The following PTPRN2 variants were observed in gnomAD, a reference collection of about 807,000 sequenced individuals.
The protein encoded by PTPRN2 is protein tyrosine phosphatase receptor type N2, also known as receptor-type tyrosine-protein phosphatase N2.
Under a neutral mutation model 118.8 loss-of-function variants are expected in PTPRN2, and 74 were observed. That is an observed-to-expected ratio of 0.62 (90% CI 0.52 to 0.76). PTPRN2 has a LOEUF of 0.76. Ranked by LOEUF, PTPRN2 falls within the 30% of genes least tolerant of loss-of-function variation. The probability of loss-of-function intolerance (pLI) is 0.00; values close to 1 mark genes in which losing one functional copy is unlikely to be tolerated. For missense variants in PTPRN2, 1,481 were observed against 1,394.4 expected, an observed-to-expected ratio of 1.06 and a Z score of -0.99; for synonymous variants, 641 against 608.0, an observed-to-expected ratio of 1.05 and a Z score of -0.80.
intron 5 of PTPRN2, among the ~76,000 whole-genome samples, chr7:158,186,726 T>C (rs1825192926): frequency 6.6e-6 from 1 of 152,276 alleles, no homozygotes; most frequent in African/African-American, 2.4e-5. Context: ...CCCTCTGGCA[T>C]GAGTGCACCT....
intron 3 of PTPRN2, among the ~76,000 whole-genome samples, chr7:158,233,937 G>A (rs1040665916): frequency 1.4e-4 from 21 of 152,106 alleles, no homozygotes; most frequent in African/African-American, 4.8e-4. Flanking sequence ...AATGAAACAA[G>A]ACTCCTATGT....
chr7:158,240,206 C>A (rs974327278), intron 3 of PTPRN2, among the ~76,000 whole-genome samples: 2 of 152,082 alleles, frequency 1.3e-5, no homozygotes, highest in Non-Finnish European at 2.9e-5. Context: ...AATTTAATTT[C>A]TCTCTCCTAT....
intron 2 of PTPRN2, among the ~76,000 whole-genome samples, chr7:158,436,388 T>C (rs1302392316): frequency 2.0e-5 from 3 of 151,302 alleles, no homozygotes; most frequent in Non-Finnish European, 4.4e-5. Context: ...TCTCGAGTTC[T>C]GTCTGTCTTT....
At chr7:158,060,750 T>C (rs1405562992) in intron 11 of PTPRN2, among the ~76,000 whole-genome samples, 2 of 152,232 alleles carry the variant, frequency 1.3e-5, no homozygotes, top group Non-Finnish European at 2.9e-5. Flanking sequence ...TTGCATTCAT[T>C]ACCTTTGCCT....
intron 12 of PTPRN2, among the ~76,000 whole-genome samples, chr7:157,751,783 C>T (rs1037329742): frequency 3.4e-5 from 5 of 146,970 alleles, no homozygotes; most frequent in African/African-American, 9.9e-5. Flanking sequence ...TCACCAAGAC[C>T]GAGGGGACCA....
In PTPRN2 at chr7:158,587,637, TAGC is replaced by T. The variant is rs759711876; in HGVS notation, c.30_32del (p.Leu15del). The T allele has an allele frequency of 3.3e-4, 452 of 1,359,678 alleles. No individual in the cohort carries two copies. The highest frequency in any genetic ancestry group is 1.5e-3 in the Admixed American group (46 of 30,396). 84.2% of individuals were successfully genotyped at this position (1,359,678 alleles called of 1,614,324 possible). The stretch of plus-strand genomic sequence containing the variant: ...GGACGCGTGGCGGCAGCAGCAGCAG[TAGC>T]AGCAGCAGCAGCGGGAGCGGCGGCC... On this transcript the variant is annotated inframe_deletion, in exon 1 of 23. Coordinates refer to ENST00000389418, the MANE Select transcript of PTPRN2 (RefSeq NM_002847.5).
chr7:158,066,627 G>A (rs1032239537), intron 11 of PTPRN2, among the ~76,000 whole-genome samples: 6 of 152,160 alleles, frequency 3.9e-5, no homozygotes, highest in African/African-American at 9.7e-5. Context: ...GAACGTTAAC[G>A]CTAAGATCGG....
At chr7:158,206,230 A>G (rs1168225588) in intron 3 of PTPRN2, among the ~76,000 whole-genome samples, 2 of 152,164 alleles carry the variant, frequency 1.3e-5, no homozygotes, top group African/African-American at 4.8e-5. Context: ...TACAACTTAG[A>G]TAACTGCTCA....
At chr7:158,195,881 G>A (rs1826173601) in intron 4 of PTPRN2, among the ~76,000 whole-genome samples, 1 of 152,072 alleles carries the variant, frequency 6.6e-6, no homozygotes. Context: ...ATTGGGTGAT[G>A]GACATTTGCA....
rs529987491 is a variant in PTPRN2 at position 158,082,445 on chromosome 7, T to C, written c.1644-1068A>G. Among the ~76,000 whole-genome samples the C allele has an allele frequency of 2.3e-4, 35 of 152,368 alleles. 1 individual carries two copies. In the South Asian group the frequency reaches 7.3e-3, roughly 32 times the overall value. ...CCTCTGGTCTTCCTCCTTGGGATTTTTGCTCATTCTCCCAGCCAGGGCCAG... is the reference window on the plus strand; with the variant it reads ...CCTCTGGTCTTCCTCCTTGGGATTTCTGCTCATTCTCCCAGCCAGGGCCAG... On this transcript the variant is annotated intron_variant, in intron 10 of 22. Transcript: ENST00000389418.
chr7:158,475,558 G>A (rs920299782), intron 2 of PTPRN2, among the ~76,000 whole-genome samples: 1 of 151,328 alleles, frequency 6.6e-6, no homozygotes, highest in South Asian at 2.1e-4. Flanking sequence ...GGGAGGGCAC[G>A]CCCGCCTCCA....
intron 2 of PTPRN2, among the ~76,000 whole-genome samples, chr7:158,468,519 G>A (rs569494857): frequency 6.6e-6 from 1 of 152,244 alleles, no homozygotes; most frequent in East Asian, 1.9e-4. Flanking sequence ...TGATTCACTG[G>A]CGCCAGTTTA....
rs117266157 is a variant in PTPRN2, at chr7:157,587,164, C to A, written c.2496+8074G>T. On this transcript the variant is annotated intron_variant, in intron 17 of 22. Coordinates refer to ENST00000389418, the MANE Select transcript of PTPRN2 (RefSeq NM_002847.5). This position sits in a 1 kb window ranked among gnomAD's most constrained non-coding sequence, Gnocchi z 5.3. ...GCAGGCAGACAGGCAGACAGGCAGGCAGACAGACAAGACAGGCAGATAGAG... is the reference window on the plus strand; with the variant it reads ...GCAGGCAGACAGGCAGACAGGCAGGAAGACAGACAAGACAGGCAGATAGAG... Among the ~76,000 whole-genome samples, 3,447 of 151,962 alleles carry A rather than the reference C, an allele frequency of 0.023. 118 individuals are homozygous for A. Among genetic ancestry groups the A allele is most frequent in the East Asian group, 0.13 (674 of 5,162 alleles).
intron 13 of PTPRN2, among the ~76,000 whole-genome samples, chr7:157,657,773 TCA>T (rs1795648856): frequency 1.8e-5 from 1 of 54,198 alleles, no homozygotes; most frequent in Non-Finnish European, 3.6e-5. Context: ...ACCACACACA[TCA>T]CACATATACA....
intron 11 of PTPRN2, among the ~76,000 whole-genome samples, chr7:157,994,705 T>C (rs1804565161): frequency 9.3e-6 from 1 of 107,332 alleles, no homozygotes; most frequent in Non-Finnish European, 1.9e-5. Context: ...CAGCTCCTTG[T>C]TCCTAAAATC....
intron 2 of PTPRN2, among the ~76,000 whole-genome samples, chr7:158,445,899 C>T (rs1817690585): frequency 6.6e-6 from 1 of 152,248 alleles, no homozygotes; most frequent in Admixed American, 6.5e-5. Context: ...CTCAGACCAC[C>T]CCATGTGAGA....
At chr7:158,273,086 A>G (rs1798620282) in intron 3 of PTPRN2, among the ~76,000 whole-genome samples, 2 of 152,080 alleles carry the variant, frequency 1.3e-5, no homozygotes, top group Non-Finnish European at 2.9e-5. Context: ...CACAAGGAAG[A>G]CAAGACCCAG....
chr7:157,883,885 C>T (rs146813094), intron 12 of PTPRN2, among the ~76,000 whole-genome samples: 2,326 of 151,646 alleles, frequency 0.015, 26 homozygotes, highest in Non-Finnish European at 0.023. Context: ...GAACACACCA[C>T]CCCAAAATGA....
At chr7:158,446,060 C>T (rs992038801) in intron 2 of PTPRN2, among the ~76,000 whole-genome samples, 2 of 152,176 alleles carry the variant, frequency 1.3e-5, no homozygotes, top group African/African-American at 4.8e-5. Context: ...GGACACTCAG[C>T]GTGGGCAGGT....
Sources: gnomAD v4.1 joint callset for allele counts (sites outside exome capture counted in the v4.1 genomes callset) on GRCh38, gnomAD v4.1.1 for gene constraint, Gnocchi (gnomAD v3.1) non-coding constraint, MANE v1.5 for transcripts, NCBI Gene and HGNC (gene_info 2026-07-23, HGNC 2026-07-21) for gene names.